PKHD1: variants seen among roughly 807,000 people sequenced by gnomAD.
PKHD1 encodes the protein PKHD1 ciliary IPT domain containing fibrocystin/polyductin, also known as fibrocystin.
In PKHD1, 291 loss-of-function variants were observed where a neutral mutation model predicts 412.0. That is an observed-to-expected ratio of 0.71 (90% confidence interval 0.64 to 0.78). PKHD1 has a LOEUF of 0.78. PKHD1 is among the 30% of genes least tolerant of loss of function. The pLI is 0.00. For synonymous variants in PKHD1, 1,777 were observed against 1,821.5 expected (o/e 0.98, Z 0.62); for missense variants, 4,825 against 4,950.7 (o/e 0.97, Z 0.76).
At chr6:52,035,536 T>C (rs980850366) in intron 28 of PKHD1, 55 bp downstream of exon 28, 2 of 1,508,008 alleles carry the variant, frequency 1.3e-6, no homozygotes, top group African/African-American at 1.4e-5. Flanking sequence ...GAAAATGTTA[T>C]ATTAACAGTG....
At chr6:51,788,379 G>C (rs1432329605) in intron 53 of PKHD1, among the ~76,000 whole-genome samples, 1 of 151,840 alleles carries the variant, frequency 6.6e-6, no homozygotes, top group Non-Finnish European at 1.5e-5. Flanking sequence ...ACCCTACCCA[G>C]TGCCCCAGGA....
chr6:51,834,212 GT>G (rs1350490724), intron 51 of PKHD1, among the ~76,000 whole-genome samples: 2 of 152,098 alleles, frequency 1.3e-5, no homozygotes, highest in Non-Finnish European at 2.9e-5. Flanking sequence ...GGAAAGAAAG[GT>G]TAACTACACG....
intron 36 of PKHD1, among the ~76,000 whole-genome samples, chr6:51,947,194 G>A (rs1363644904): frequency 6.6e-6 from 1 of 152,092 alleles, no homozygotes; most frequent in Non-Finnish European, 1.5e-5. Context: ...CACCCTTCCC[G>A]AGTGACCAGC....
At chr6:51,899,479 A>G (rs1456216589) in intron 43 of PKHD1, among the ~76,000 whole-genome samples, 1 of 152,092 alleles carries the variant, frequency 6.6e-6, no homozygotes, top group East Asian at 1.9e-4. Context: ...CTTCATGCTA[A>G]AAACTCTCAA....
At chr6:51,951,334 A>C (rs915313571) in intron 36 of PKHD1, among the ~76,000 whole-genome samples, 1 of 148,646 alleles carries the variant, frequency 6.7e-6, no homozygotes, top group African/African-American at 2.5e-5. Flanking sequence ...TAGAAAAGAC[A>C]AAAAAAAAAT....
At chr6:51,852,946 GT>G (rs1458001388) in intron 49 of PKHD1, among the ~76,000 whole-genome samples, 4 of 152,046 alleles carry the variant, frequency 2.6e-5, no homozygotes, top group Non-Finnish European at 5.9e-5. Context: ...ATTTGATCCT[GT>G]CATCTTGATA....
chr6:52,074,585 G>A (rs1193101035), intron 6 of PKHD1, among the ~76,000 whole-genome samples: 1 of 152,184 alleles, frequency 6.6e-6, no homozygotes, highest in African/African-American at 2.4e-5. Context: ...TAGAAATTAG[G>A]AATTTCTGTG....
chr6:51,632,775 A>G (rs1561992162), intron 64 of PKHD1, 52 bp from the exon 65 acceptor site: 1 of 1,405,882 alleles, frequency 7.1e-7, no homozygotes, highest in African/African-American at 1.4e-5. Context: ...AGATGCTAAT[A>G]TAATTAAAAT....
At chr6:51,660,602 T>C (rs1408729118) in intron 60 of PKHD1, among the ~76,000 whole-genome samples, 1 of 152,140 alleles carries the variant, frequency 6.6e-6, no homozygotes, top group African/African-American at 2.4e-5. Context: ...TTGAATTCAA[T>C]TAACTCGCTA....
At chr6:52,059,600 A>G (rs1052774896) in intron 15 of PKHD1, among the ~76,000 whole-genome samples, 1 of 151,978 alleles carries the variant, frequency 6.6e-6, no homozygotes, top group African/African-American at 2.4e-5. Context: ...ATACATACAT[A>G]TATCTTTATG....
chr6:51,928,341 G>A (rs574359902), intron 37 of PKHD1, among the ~76,000 whole-genome samples: 16 of 152,256 alleles, frequency 1.1e-4, no homozygotes, highest in Admixed American at 9.2e-4. Flanking sequence ...GAATACAGAC[G>A]AAGGTAGTGA....
At chr6:51,652,058 T>C (rs1771062106) in intron 61 of PKHD1, among the ~76,000 whole-genome samples, 1 of 152,168 alleles carries the variant, frequency 6.6e-6, no homozygotes, top group African/African-American at 2.4e-5. Flanking sequence ...CAACTGCTAA[T>C]GTGACTGTAG....
chr6:51,990,409 T>C (rs1449615521), intron 35 of PKHD1, among the ~76,000 whole-genome samples: 1 of 152,208 alleles, frequency 6.6e-6, no homozygotes, highest in Non-Finnish European at 1.5e-5. Flanking sequence ...CTTTCCTTGT[T>C]TGGCATATTT....
chr6:51,754,412 A>T lies in PKHD1; in HGVS notation c.8797+372T>A, dbSNP rs1786620911. 2.0e-5 allele frequency among the ~76,000 whole-genome samples: 3 copies of T among 152,304 alleles called. No individual in the cohort carries two copies. In the South Asian group the frequency reaches 6.2e-4, roughly 32 times the overall value. ...AACTACAATATTCTAAGGGATTATA[A>T]TTCAATGTGTCAGGAAATAAACTGG... On this transcript the variant is annotated intron_variant, in intron 56 of 66. Transcript: ENST00000371117.
Position 51,748,358 on chromosome 6 carries a change from T to C in PKHD1, c.9258A>G (p.Val3086=). 1.4e-5 allele frequency: 23 copies of C among 1,614,080 alleles called. No homozygotes were observed. Among genetic ancestry groups the C allele is most frequent in the Non-Finnish European group, 1.9e-5 (22 of 1,179,950 alleles). The change falls in exon 58 of 67, where the codon GTA becomes GTG. Residue 3086 remains valine (V), a synonymous_variant. Transcript: ENST00000371117. ...CGTTGCCATGGAGGTTGATGTCCTTTACCTGGTTCACTTTGATTCCCGCCA... is the reference window on the plus strand; with the variant it reads ...CGTTGCCATGGAGGTTGATGTCCTTCACCTGGTTCACTTTGATTCCCGCCA... ...IWVAGIKVNQ[V]KDINLHGNVV...
At chr6:51,776,968 C>T (rs1004846633) in intron 53 of PKHD1, among the ~76,000 whole-genome samples, 2 of 151,992 alleles carry the variant, frequency 1.3e-5, no homozygotes, top group African/African-American at 4.8e-5. Context: ...TTCAATGGAA[C>T]ATATGTCTTA....
At chr6:51,657,137 AAG>A (rs1772000354) in intron 61 of PKHD1, among the ~76,000 whole-genome samples, 1 of 151,778 alleles carries the variant, frequency 6.6e-6, no homozygotes, top group Non-Finnish European at 1.5e-5. Flanking sequence ...AAAAAAAAGA[AAG>A]AACTGCATTC....
intron 50 of PKHD1, among the ~76,000 whole-genome samples, chr6:51,840,211 G>C (rs990289785): frequency 1.3e-5 from 2 of 152,016 alleles, no homozygotes; most frequent in Non-Finnish European, 2.9e-5. Context: ...TTAGTCCTTG[G>C]CAGCTAAAGC....
intron 27 of PKHD1, among the ~76,000 whole-genome samples, chr6:52,041,635 G>A (rs557398908): frequency 2.0e-5 from 3 of 152,154 alleles, no homozygotes; most frequent in Admixed American, 6.5e-5. Flanking sequence ...ATTTCTACCC[G>A]CTTGGCATAT....
Sources: allele counts gnomAD v4.1 joint callset (sites outside exome capture counted in the v4.1 genomes callset), GRCh38; gene constraint gnomAD v4.1.1; transcripts MANE v1.5; gene names NCBI Gene and HGNC (gene_info 2026-07-23, HGNC 2026-07-21).